Variants in ZNF83 observed in about 807,000 individuals in gnomAD.
ZNF83 encodes zinc finger protein 83.
For missense variants in ZNF83, 552 were observed against 629.9 expected (o/e 0.88, Z 1.32); for synonymous variants, 209 against 213.0 (o/e 0.98, Z 0.17).
chr19:52,664,745 G>T (rs1320095125), intron 1 of ZNF83, among the ~76,000 whole-genome samples: 1 of 141,468 alleles, frequency 7.1e-6, no homozygotes, highest in East Asian at 2.1e-4. Context: ...AGGACAAGGG[G>T]CCTGGTGTGG....
In ZNF83 at chr19:52,625,282, T is replaced by A. The variant is rs539017424; in HGVS notation, c.-234+9784A>T. ...TATTTATACTGACTCAAAATATACC[T>A]TCCATATCTTGCACCACCATGCTGT... On this transcript the variant is annotated intron_variant, in intron 2 of 2. Coordinates refer to ENST00000301096, the Ensembl canonical transcript of ZNF83. Among the ~76,000 whole-genome samples the A allele has an allele frequency of 8.7e-4, 133 of 152,268 alleles. 2 individuals carry two copies. The highest frequency in any genetic ancestry group is 3.9e-4 in the East Asian group (2 of 5,184).
intron 1 of ZNF83, among the ~76,000 whole-genome samples, chr19:52,675,706 A>C (rs1016103712): frequency 6.8e-6 from 1 of 147,634 alleles, no homozygotes; most frequent in Admixed American, 6.7e-5. Flanking sequence ...CCAGGAAAGG[A>C]AGGGCAAGGG....
At position 52,630,431 on chromosome 19, in the gene ZNF83, C is replaced by T. The variant is rs1395323900; in HGVS notation, c.-234+4635G>A. 3.3e-5 allele frequency among the ~76,000 whole-genome samples: 5 copies of T among 152,294 alleles called. No individual in the cohort carries two copies. In the South Asian group the frequency reaches 8.3e-4, roughly 25 times the overall value. On this transcript the variant is annotated intron_variant, in intron 2 of 2. Transcript: ENST00000301096. ...ACTGTTGTGGGTATTGACAGCCAGG[C>T]TTCTAAGCCTCTTAAAACTCCCCCA...
In ZNF83 at chr19:52,676,501, T is replaced by A. The variant is rs1446919483; in HGVS notation, c.-283+13942A>T. On this transcript the variant is annotated intron_variant, in intron 1 of 5. Coordinates refer to the ZNF83 transcript ENST00000594682. ...CTAGCCTCCCCGTCCGGGAGGGAGGTGGGGGGCAGCCCCCGCCCGGCCAGC... is the reference window on the plus strand; with the variant it reads ...CTAGCCTCCCCGTCCGGGAGGGAGGAGGGGGGCAGCCCCCGCCCGGCCAGC... Among the ~76,000 whole-genome samples, 3 of 148,288 alleles carry A rather than the reference T, an allele frequency of 2.0e-5. 1 individual carries two copies. The East Asian group carries it at 6.1e-4, about 30-fold the overall frequency.
At chr19:52,668,439 AC>A (rs1388360258) in intron 1 of ZNF83, among the ~76,000 whole-genome samples, 4 of 151,992 alleles carry the variant, frequency 2.6e-5, no homozygotes, top group Non-Finnish European at 5.9e-5. Context: ...TACTATTCCT[AC>A]CACTAGCAAC....
chr19:52,635,792 C>T (rs542924039), intron 1 of ZNF83: 4 of 151,406 alleles, frequency 2.6e-5, no homozygotes, highest in East Asian at 3.9e-4. Context: ...GTCAGGAGTT[C>T]GAGAGTAGCC....
At chr19:52,655,543 G>A (rs1421421947) in intron 3 of ZNF83, 4 of 1,475,648 alleles carry the variant, frequency 2.7e-6, no homozygotes, top group Non-Finnish European at 3.8e-6. Context: ...CTCACATCAG[G>A]AGGGACATTT....
At chr19:52,622,251 G>T (rs2060576997) in intron 2 of ZNF83, among the ~76,000 whole-genome samples, 1 of 152,114 alleles carries the variant, frequency 6.6e-6, no homozygotes, top group African/African-American at 2.4e-5. Flanking sequence ...CAGAGTGCAT[G>T]TACCATTTTC....
chr19:52,652,891 T>C, intron 3 of ZNF83: 1 of 1,082,074 alleles, frequency 9.2e-7, no homozygotes, highest in East Asian at 2.6e-5. Flanking sequence ...CTCATTGCAC[T>C]TGTAAGGTTT....
At chr19:52,687,227 A>T (rs2062031601) in intron 1 of ZNF83, among the ~76,000 whole-genome samples, 1 of 146,814 alleles carries the variant, frequency 6.8e-6, no homozygotes, top group Non-Finnish European at 1.5e-5. Context: ...CAGTGCCTCA[A>T]CCCTGTAATC....
chr19:52,672,608 T>C (rs1421456531), intron 1 of ZNF83, among the ~76,000 whole-genome samples: 5 of 152,208 alleles, frequency 3.3e-5, no homozygotes, highest in Non-Finnish European at 7.3e-5. Flanking sequence ...AAGTTACTTA[T>C]TTATTTTTGA....
chr19:52,680,743 A>G (rs8102542), intron 1 of ZNF83, among the ~76,000 whole-genome samples: 95,484 of 132,700 alleles, frequency 0.72, 34,048 homozygotes, highest in African/African-American at 0.82. Context: ...CTCCCGAGTA[A>G]CTGGGACTAC....
chr19:52,627,359 T>TTA (rs1568542549), intron 2 of ZNF83, among the ~76,000 whole-genome samples: 2 of 149,204 alleles, frequency 1.3e-5, no homozygotes, highest in Non-Finnish European at 3.0e-5. Context: ...AGGAGAGGCA[T>TTA]AAAAAAGAAA....
exon 3 of ZNF83, chr19:52,612,884 G>A: frequency 1.4e-6 from 1 of 735,116 alleles, no homozygotes; most frequent in East Asian, 2.8e-5. Flanking sequence ...CTATGGTCTA[G>A]CTAACGGTTA....
intron 1 of ZNF83, among the ~76,000 whole-genome samples, chr19:52,680,985 A>G (rs2061908026): frequency 1.3e-5 from 2 of 151,912 alleles, no homozygotes; most frequent in South Asian, 4.2e-4. Flanking sequence ...AAAATATACA[A>G]ATAAAAAGGA....
intron 3 of ZNF83, among the ~76,000 whole-genome samples, chr19:52,648,424 C>T (rs1047948030): frequency 1.3e-5 from 2 of 151,946 alleles, no homozygotes; most frequent in Non-Finnish European, 2.9e-5. Flanking sequence ...GCTCTAGACA[C>T]TTTTTAAATT....
chr19:52,672,527 G>A (rs951957887), intron 1 of ZNF83, among the ~76,000 whole-genome samples: 4 of 152,330 alleles, frequency 2.6e-5, no homozygotes, highest in African/African-American at 9.6e-5. Context: ...GCAGGAGGAT[G>A]GCTAGTGCCC....
At chr19:52,615,141 T>G (rs1401542780) in intron 2 of ZNF83, among the ~76,000 whole-genome samples, 1 of 151,956 alleles carries the variant, frequency 6.6e-6, no homozygotes, top group African/African-American at 2.4e-5. Flanking sequence ...CATATGGCTG[T>G]CTAATAGTTG....
At position 52,613,800 on chromosome 19, in the gene ZNF83, A is replaced by G. The variant is rs749413171; in HGVS notation, c.765T>C (p.His255=). Residue 255 remains histidine (H), a synonymous_variant, in exon 3 of 3, where the codon CAT becomes CAC. Transcript: ENST00000301096. ...TACATCTGTAAGGTTTCTCTCCAGT[A>G]TGAATGATCAGATGTTGTACAAGGT... The G allele has an allele frequency of 1.1e-5, 18 of 1,613,900 alleles. No homozygotes were observed. In the East Asian group the frequency reaches 3.1e-4, roughly 28 times the overall value.
Sources: gnomAD v4.1 joint callset for allele counts (sites outside exome capture counted in the v4.1 genomes callset) on GRCh38, gnomAD v4.1.1 for gene constraint, MANE v1.5 for transcripts, NCBI Gene and HGNC (gene_info 2026-07-23, HGNC 2026-07-21) for gene names.